The following RAD54L2 variants were observed in gnomAD, a reference collection of about 807,000 sequenced individuals.
RAD54L2 encodes helicase ARIP4.
RAD54L2 carries 27 observed loss-of-function variants against 138.4 expected under a neutral mutation model. That is an observed-to-expected ratio of 0.20 (90% CI 0.14 to 0.27). The LOEUF (loss-of-function observed/expected upper bound fraction) is 0.27, where lower values mean the gene tolerates loss of function less well. Ranked by LOEUF, RAD54L2 falls within the 10% of genes least tolerant of loss-of-function variation. RAD54L2 has a pLI of 1.00. For missense variants in RAD54L2, 1,396 were observed against 1,890.2 expected (o/e 0.74, Z 4.85); for synonymous variants, 644 against 723.2 (o/e 0.89, Z 1.76).
chr3:51,579,282 G>A (rs554126021), intron 2 of RAD54L2, among the ~76,000 whole-genome samples: 1 of 151,564 alleles, frequency 6.6e-6, no homozygotes, highest in African/African-American at 2.4e-5. Flanking sequence ...GGTGCAGGAT[G>A]GGGGGCAGGG....
At chr3:51,559,282 A>C (rs1699046491) in intron 2 of RAD54L2, among the ~76,000 whole-genome samples, 3 of 152,214 alleles carry the variant, frequency 2.0e-5, no homozygotes, top group African/African-American at 7.2e-5. Flanking sequence ...TATACTCTCC[A>C]GCTTCCTAAC....
At position 51,628,541 on chromosome 3, in the gene RAD54L2, C is replaced by T. The variant is rs182335004; in HGVS notation, c.341+787C>T. On this transcript the variant is annotated intron_variant, in intron 4 of 22. Transcript: ENST00000684192. ...AGTAGCTGGAACCATAGGTGCCCGC[C>T]ACCACACCTGGCTAATTTTTGTATT... Among the ~76,000 whole-genome samples, 403 of 152,140 alleles carry T rather than the reference C, an allele frequency of 2.6e-3. 3 individuals are homozygous for T. The highest frequency in any genetic ancestry group is 9.0e-3 in the African/African-American group (373 of 41,482).
At chr3:51,620,798 A>G (rs1700554590) in intron 3 of RAD54L2, among the ~76,000 whole-genome samples, 1 of 152,202 alleles carries the variant, frequency 6.6e-6, no homozygotes, top group South Asian at 2.1e-4. Flanking sequence ...GAACTGTGGT[A>G]GTAATAGTCA....
At chr3:51,592,874 A>G (rs552101804) in intron 3 of RAD54L2, among the ~76,000 whole-genome samples, 2 of 152,182 alleles carry the variant, frequency 1.3e-5, no homozygotes, top group East Asian at 3.9e-4. Flanking sequence ...ACCCGGCCTA[A>G]AGCTTTTCTT....
chr3:51,582,698 C>T (rs974522629), intron 2 of RAD54L2, among the ~76,000 whole-genome samples: 7 of 151,714 alleles, frequency 4.6e-5, no homozygotes, highest in Non-Finnish European at 1.5e-5. Flanking sequence ...CTCAAGGCGT[C>T]TGGGAATAAT....
At chr3:51,581,059 G>A (rs1037819785) in intron 2 of RAD54L2, among the ~76,000 whole-genome samples, 2 of 152,090 alleles carry the variant, frequency 1.3e-5, no homozygotes, top group Non-Finnish European at 2.9e-5. Flanking sequence ...AAAAGAATTG[G>A]TAATTGAAAA....
At chr3:51,634,201 A>G (rs990436121) in intron 9 of RAD54L2, among the ~76,000 whole-genome samples, 166 bp downstream of exon 9, 1 of 151,966 alleles carries the variant, frequency 6.6e-6, no homozygotes, top group Admixed American at 6.6e-5. Context: ...TTCTCTACCT[A>G]GCTTTTCAGG....
chr3:51,644,145 T>G (rs1369478622), intron 16 of RAD54L2, among the ~76,000 whole-genome samples, 171 bp downstream of exon 16: 1 of 152,228 alleles, frequency 6.6e-6, no homozygotes, highest in African/African-American at 2.4e-5. Context: ...AGGGCAGTCA[T>G]GATAGTATCA....
intron 3 of RAD54L2, among the ~76,000 whole-genome samples, chr3:51,621,004 T>G (rs1205066640): frequency 2.0e-5 from 3 of 151,992 alleles, no homozygotes; most frequent in Non-Finnish European, 4.4e-5. Context: ...CTTGATTCAG[T>G]GTTCAGAAGG....
chr3:51,564,119 T>A (rs1699160458), intron 2 of RAD54L2, among the ~76,000 whole-genome samples: 1 of 152,224 alleles, frequency 6.6e-6, no homozygotes, highest in Non-Finnish European at 1.5e-5. Context: ...TCTCAAGGGT[T>A]TGAGGCTGCT....
At chr3:51,576,872 C>T (rs975576394) in intron 2 of RAD54L2, among the ~76,000 whole-genome samples, 1 of 151,662 alleles carries the variant, frequency 6.6e-6, no homozygotes, top group Non-Finnish European at 1.5e-5. Context: ...TGATCTATTT[C>T]CTGCCTTCTG....
At chr3:51,551,434 A>T (rs1158833067) in intron 2 of RAD54L2, among the ~76,000 whole-genome samples, 7 of 146,842 alleles carry the variant, frequency 4.8e-5, no homozygotes, top group Non-Finnish European at 1.0e-4. Flanking sequence ...TGCCTGGCCT[A>T]ATTTAATTTT....
chr3:51,647,679 T>A (rs981397721), intron 19 of RAD54L2, among the ~76,000 whole-genome samples: 18 of 151,378 alleles, frequency 1.2e-4, no homozygotes, highest in Non-Finnish European at 2.1e-4. Context: ...CAAAAAAAAA[T>A]TTTTTTTTCT....
chr3:51,619,635 G>A (rs1410913043), intron 3 of RAD54L2, among the ~76,000 whole-genome samples: 8 of 152,058 alleles, frequency 5.3e-5, no homozygotes, highest in Non-Finnish European at 8.8e-5. Context: ...ACAGTGTCAT[G>A]GTTTAATTTT....
Position 51,633,954 on chromosome 3 carries a change from C to G in RAD54L2, c.1061C>G (p.Pro354Arg), listed in dbSNP as rs191008861. 6.2e-7 allele frequency: 1 copy of G among 1,613,820 alleles called. No homozygotes were observed. Among genetic ancestry groups the G allele is most frequent in the Non-Finnish European group, 8.5e-7 (1 of 1,179,700 alleles). ...GAGTTCAACATGTGGCTTCCACCTC[C>G]TGAAGCCCTCCCGGCTGACAACAAG... ...LAEFNMWLPP[P>R]EALPADNKPE... Residue 354 changes from proline to arginine, a missense_variant, in exon 9 of 23, where the codon CCT (proline) becomes CGT (arginine). Around this residue, in one of 7 missense-constraint regions of RAD54L2, gnomAD observed 169 missense variants for 235.6 expected, o/e 0.72. Transcript: ENST00000684192.
intron 2 of RAD54L2, among the ~76,000 whole-genome samples, chr3:51,583,009 C>T (rs1699641952): frequency 6.6e-6 from 1 of 152,178 alleles, no homozygotes; most frequent in South Asian, 2.1e-4. Context: ...TCGTGATCTG[C>T]CCACCTTGGC....
intron 1 of RAD54L2, chr3:51,541,063 A>G (rs1182142168): frequency 2.1e-5 from 3 of 141,502 alleles, no homozygotes; most frequent in Non-Finnish European, 3.1e-5. Flanking sequence ...AAAAAAAAAA[A>G]GTAGTATTCT....
At chr3:51,586,431 G>GA (rs1553680352) in intron 2 of RAD54L2, among the ~76,000 whole-genome samples, 1 of 134,280 alleles carries the variant, frequency 7.4e-6, no homozygotes, top group Non-Finnish European at 1.6e-5. Context: ...TGTTGCCTTT[G>GA]TTTTTTTTTT....
chr3:51,563,690 TTTTA>T (rs1315726974), intron 2 of RAD54L2, among the ~76,000 whole-genome samples: 1 of 152,212 alleles, frequency 6.6e-6, no homozygotes, highest in African/African-American at 2.4e-5. Flanking sequence ...AGGGTTTATT[TTTTA>T]TTTATTTTTT....
Sources: gnomAD v4.1 joint callset for allele counts (sites outside exome capture counted in the v4.1 genomes callset) on GRCh38, gnomAD v4.1.1 for gene constraint, gnomAD v4.1.1 regional missense constraint, MANE v1.5 for transcripts, NCBI Gene and HGNC (gene_info 2026-07-23, HGNC 2026-07-21) for gene names.